Variants in KANSL1 observed in about 807,000 individuals in gnomAD.
KANSL1 encodes MLL1/MLL complex subunit KANSL1.
Under a neutral mutation model 103.6 loss-of-function variants are expected in KANSL1, and 22 were observed. The ratio of observed to expected loss-of-function variants is 0.21; its 90% CI spans 0.15 to 0.30. KANSL1 has a LOEUF of 0.30. Ranked by LOEUF, KANSL1 falls within the 10% of genes least tolerant of loss-of-function variation. KANSL1 has a pLI of 1.00. For missense variants in KANSL1, 1,337 were observed against 1,399.8 expected, an observed-to-expected ratio of 0.96 and a Z score of 0.72; for synonymous variants, 600 against 527.6, an observed-to-expected ratio of 1.14 and a Z score of -1.88.
At chr17:46,071,825 T>C (rs2078587306) in intron 4 of KANSL1, among the ~76,000 whole-genome samples, 1 of 150,858 alleles carries the variant, frequency 6.6e-6, no homozygotes, top group Non-Finnish European at 1.5e-5. Flanking sequence ...TCAGGGTTTA[T>C]GCATCCCACA....
At position 46,115,447 on chromosome 17, in the gene KANSL1, A is replaced by AGT. The variant is rs1491088440; in HGVS notation, c.1290-20748_1290-20747dup. On this transcript the variant is annotated intron_variant, in intron 2 of 14. Coordinates refer to ENST00000432791, the MANE Select transcript of KANSL1 (RefSeq NM_015443.4). ...ATGAGAAAATAGTATAAAGCTATCGAGTGTCAACAGTTCTATATTACCCCC... is the reference window on the plus strand; with the variant it reads ...ATGAGAAAATAGTATAAAGCTATCGAGTGTGTCAACAGTTCTATATTACCCCC... Among the ~76,000 whole-genome samples, 118 of 151,698 alleles carry AGT rather than the reference A, an allele frequency of 7.8e-4. 1 individual carries two copies. The highest frequency in any genetic ancestry group is 2.8e-3 in the African/African-American group (115 of 41,248).
chr17:46,055,189 C>T (rs1308341353), intron 6 of KANSL1, among the ~76,000 whole-genome samples: 1 of 150,982 alleles, frequency 6.6e-6, no homozygotes, highest in African/African-American at 2.4e-5. Flanking sequence ...AAAGGCCAGG[C>T]GCGGTGGCTC....
intron 2 of KANSL1, among the ~76,000 whole-genome samples, chr17:46,106,574 G>GT (rs1242872347): frequency 1.3e-5 from 2 of 152,206 alleles, no homozygotes; most frequent in East Asian, 3.9e-4. Flanking sequence ...TGTATTTTTA[G>GT]TAGAGACGGG....
intron 2 of KANSL1, among the ~76,000 whole-genome samples, chr17:46,163,126 T>C (rs2045829270): frequency 6.6e-6 from 1 of 152,252 alleles, no homozygotes; most frequent in Non-Finnish European, 1.5e-5. Context: ...ATATCATCTA[T>C]GTAATTACCC....
chr17:46,099,084 G>A (rs1405675489), intron 2 of KANSL1, among the ~76,000 whole-genome samples: 1 of 113,028 alleles, frequency 8.8e-6, no homozygotes, highest in Non-Finnish European at 2.4e-5. Context: ...AGCACTTTGG[G>A]AGGCCGAGGC....
At chr17:46,149,523 T>C (rs1000243894) in intron 2 of KANSL1, among the ~76,000 whole-genome samples, 7 of 152,276 alleles carry the variant, frequency 4.6e-5, no homozygotes, top group African/African-American at 9.6e-5. Context: ...CTTGCCATTA[T>C]AGTACTAAAG....
chr17:46,096,329 T>TTTTTTTTTTTTTTTTTTTTTTTTC (rs2042080707), intron 2 of KANSL1, among the ~76,000 whole-genome samples: 1 of 132,056 alleles, frequency 7.6e-6, no homozygotes. Context: ...TTTTTTTTTT[T>TTTTTTTTTTTTTTTTTTTTTTTTC]TTTGAGATGG....
rs554225427 is a variant in KANSL1 at position 46,120,848 on chromosome 17, C to T, written c.1290-26147G>A. ...CCACGAAATTTTACAATATGCAATACCAAAAAATACAGCTAGATTCAAAGA... is the reference window on the plus strand; with the variant it reads ...CCACGAAATTTTACAATATGCAATATCAAAAAATACAGCTAGATTCAAAGA... On this transcript the variant is annotated intron_variant, in intron 2 of 14. Coordinates refer to ENST00000432791, the MANE Select transcript of KANSL1 (RefSeq NM_015443.4). Among the ~76,000 whole-genome samples, 12 of 152,228 alleles carry T rather than the reference C, an allele frequency of 7.9e-5. No homozygotes were observed. In the South Asian group the frequency reaches 1.2e-3, roughly 16 times the overall value.
chr17:46,056,335 C>A (rs1293305422), intron 6 of KANSL1, among the ~76,000 whole-genome samples: 1 of 151,800 alleles, frequency 6.6e-6, no homozygotes, highest in African/African-American at 2.4e-5. Context: ...AAATATTATA[C>A]TCAAATCTAA....
intron 8 of KANSL1, chr17:46,039,478 T>G (rs1417001113): frequency 6.5e-6 from 4 of 612,798 alleles, no homozygotes; most frequent in Admixed American, 3.3e-5. Flanking sequence ...GGCTGTTCAC[T>G]GAGCATTTTG....
At chr17:46,051,670 T>C (rs921890645) in intron 6 of KANSL1, among the ~76,000 whole-genome samples, 7 of 152,210 alleles carry the variant, frequency 4.6e-5, no homozygotes, top group African/African-American at 9.6e-5. Context: ...GAAACTTGCA[T>C]GTTGAATGGC....
chr17:46,058,735 ACACACACACTCTCTCT>A (rs1287159587), intron 6 of KANSL1, among the ~76,000 whole-genome samples: 205 of 54,008 alleles, frequency 3.8e-3, no homozygotes, highest in African/African-American at 9.2e-3. Context: ...ACACACACAC[ACACACACACTCTCTCT>A]CTCTCTCTCT....
At chr17:46,139,323 CT>C (rs2044305990) in intron 2 of KANSL1, among the ~76,000 whole-genome samples, 2 of 150,384 alleles carry the variant, frequency 1.3e-5, no homozygotes, top group Non-Finnish European at 2.9e-5. Context: ...TATATAATGA[CT>C]AACATGCTTT....
chr17:46,059,761 C>A (rs1468786934), intron 6 of KANSL1, among the ~76,000 whole-genome samples: 1 of 151,966 alleles, frequency 6.6e-6, no homozygotes, highest in African/African-American at 2.4e-5. Context: ...GCTGCCCAGA[C>A]TGGAGTGCAG....
At chr17:46,105,906 GAC>G (rs773000790) in intron 2 of KANSL1, among the ~76,000 whole-genome samples, 3,567 of 95,078 alleles carry the variant, frequency 0.038, 65 homozygotes, top group Middle Eastern at 0.084. Flanking sequence ...GCAAGGCCTT[GAC>G]ACACACACAC....
At chr17:46,188,521 G>A (rs1396494426) in intron 1 of KANSL1, among the ~76,000 whole-genome samples, 4 of 152,212 alleles carry the variant, frequency 2.6e-5, no homozygotes, top group East Asian at 1.9e-4. Context: ...AAAAAGACAT[G>A]ATCCAAGTGT....
At chr17:46,158,572 G>A (rs551446385) in intron 2 of KANSL1, among the ~76,000 whole-genome samples, 2 of 152,112 alleles carry the variant, frequency 1.3e-5, no homozygotes, top group African/African-American at 2.4e-5. Flanking sequence ...ACTGAGTCTC[G>A]CTCTATCGCC....
chr17:46,171,869 G>A lies in KANSL1; in HGVS notation c.275C>T (p.Ser92Leu), dbSNP rs757989343. The A allele has an allele frequency of 6.2e-7, 1 of 1,614,260 alleles. No individual in the cohort carries two copies. Among genetic ancestry groups the A allele is most frequent in the Admixed American group, 1.7e-5 (1 of 60,036 alleles). ...YLCSDVTSVP[S>L]KESLKLQGVF... ...CCCTTGCAACTTCAAAGACTCCTTT[G>A]AGGGAACAGATGTTACATCAGAGCA... Residue 92 changes from serine (S) to leucine (L), a missense_variant, in exon 2 of 15, where the codon TCA (serine) becomes TTA (leucine). By Grantham distance (145) the Ser-to-Leu change is moderately radical. Transcript: ENST00000432791.
intron 1 of KANSL1, among the ~76,000 whole-genome samples, chr17:46,181,588 G>C (rs2141301): frequency 0.14 from 21,941 of 152,058 alleles, 2,135 homozygotes; most frequent in Middle Eastern, 0.22. Context: ...TGCCACCACA[G>C]CCAGCTAATT....
Sources: gnomAD v4.1 joint callset for allele counts (sites outside exome capture counted in the v4.1 genomes callset) on GRCh38, gnomAD v4.1.1 for gene constraint, MANE v1.5 for transcripts, NCBI Gene and HGNC (gene_info 2026-07-23, HGNC 2026-07-21) for gene names.